The following ENTREP2 variants were observed in gnomAD, a reference collection of about 807,000 sequenced individuals.
ENTREP2 encodes the protein endosomal transmembrane epsin interactor 2.
At chr15:29,460,346 T>C in the ENTREP2 span, among the ~76,000 whole-genome samples, 1 of 152,278 alleles carries the variant, frequency 6.6e-6, no homozygotes, top group East Asian at 1.9e-4. Context: ...AATCATTATG[T>C]CTGCCTGGGT....
the ENTREP2 span, among the ~76,000 whole-genome samples, chr15:29,544,671 T>C: frequency 6.6e-6 from 1 of 152,042 alleles, no homozygotes; most frequent in Non-Finnish European, 1.5e-5. Context: ...CAAAGAGATC[T>C]TTTACTACAG....
chr15:29,215,881 G>T, the ENTREP2 span, among the ~76,000 whole-genome samples: 1 of 152,076 alleles, frequency 6.6e-6, no homozygotes, highest in South Asian at 2.1e-4. Flanking sequence ...GGCAGCAGTG[G>T]GTTGGTGAGT....
the ENTREP2 span, among the ~76,000 whole-genome samples, chr15:29,445,910 A>G: frequency 1.3e-5 from 2 of 152,208 alleles, no homozygotes; most frequent in Non-Finnish European, 2.9e-5. Flanking sequence ...GAACTGACTT[A>G]GAGGACACCC....
At chr15:29,570,800 G>C in the ENTREP2 span, 31 of 585,484 alleles carry the variant, frequency 5.3e-5, no homozygotes, top group Middle Eastern at 8.4e-4. Context: ...CAGAGGGTCC[G>C]AGGCAAGTTG....
At chr15:29,618,011 C>T in the ENTREP2 span, among the ~76,000 whole-genome samples, 55 of 152,348 alleles carry the variant, frequency 3.6e-4, 1 homozygote, top group African/African-American at 1.2e-3. Flanking sequence ...TTCCTCCACT[C>T]CCACCTCTGT....
the ENTREP2 span, chr15:29,268,649 T>C: frequency 1.4e-6 from 1 of 705,900 alleles, no homozygotes; most frequent in Non-Finnish European, 2.1e-6. Context: ...AAAACAAAAC[T>C]TTGCAAACAC....
At chr15:29,372,516 T>TC in the ENTREP2 span, among the ~76,000 whole-genome samples, 1 of 152,232 alleles carries the variant, frequency 6.6e-6, no homozygotes, top group African/African-American at 2.4e-5. Flanking sequence ...ACATGAGGGG[T>TC]CAGTGCCCCT....
chr15:29,644,996 T>G, the ENTREP2 span, among the ~76,000 whole-genome samples: 1 of 152,034 alleles, frequency 6.6e-6, no homozygotes, highest in Admixed American at 6.6e-5. Flanking sequence ...GCAAGAAGAT[T>G]GCTTGAGCCC....
the ENTREP2 span, chr15:29,265,898 C>T: frequency 6.6e-6 from 1 of 152,064 alleles, no homozygotes; most frequent in Non-Finnish European, 1.5e-5. Flanking sequence ...ACTTTGAACA[C>T]TTAGGGAAAA....
the ENTREP2 span, among the ~76,000 whole-genome samples, chr15:29,579,911 C>T: frequency 1.3e-4 from 19 of 151,938 alleles, no homozygotes; most frequent in African/African-American, 3.6e-4. Flanking sequence ...AGAGTTTCAC[C>T]GTGTTAGCCA....
the ENTREP2 span, among the ~76,000 whole-genome samples, chr15:29,352,899 C>T: frequency 6.6e-6 from 1 of 152,312 alleles, no homozygotes; most frequent in African/African-American, 2.4e-5. Flanking sequence ...CATCATTCGA[C>T]AGCTTTTCAG....
chr15:29,246,296 C>T, the ENTREP2 span, among the ~76,000 whole-genome samples: 2 of 148,294 alleles, frequency 1.3e-5, no homozygotes, highest in Admixed American at 6.9e-5. Context: ...GAGGCTGTGA[C>T]GGGAGGATCA....
the ENTREP2 span, among the ~76,000 whole-genome samples, chr15:29,173,705 G>A: frequency 6.6e-6 from 1 of 152,040 alleles, no homozygotes; most frequent in South Asian, 2.1e-4. Flanking sequence ...TATCATATTT[G>A]GTTTGATTTC....
At chr15:29,385,534 C>T in the ENTREP2 span, among the ~76,000 whole-genome samples, 232 of 152,284 alleles carry the variant, frequency 1.5e-3, 2 homozygotes, top group Non-Finnish European at 1.9e-3. Flanking sequence ...CCCCTGGTGA[C>T]CCCTGGCCTT....
the ENTREP2 span, among the ~76,000 whole-genome samples, chr15:29,626,285 G>A: frequency 5.9e-5 from 9 of 152,136 alleles, no homozygotes; most frequent in Non-Finnish European, 2.9e-5. Flanking sequence ...TAATAATCCC[G>A]ACATGTCAAA....
the ENTREP2 span, among the ~76,000 whole-genome samples, chr15:29,519,936 G>A: frequency 6.6e-6 from 1 of 152,274 alleles, no homozygotes; most frequent in African/African-American, 2.4e-5. Context: ...TGGACAATGA[G>A]TCTCAAAATC....
the ENTREP2 span, among the ~76,000 whole-genome samples, chr15:29,232,099 C>T: frequency 2.0e-5 from 3 of 151,882 alleles, no homozygotes; most frequent in Non-Finnish European, 4.4e-5. Context: ...CCATGTTGTC[C>T]AGGCTGGTCT....
chr15:29,293,729 G>T, the ENTREP2 span, among the ~76,000 whole-genome samples: 4 of 152,172 alleles, frequency 2.6e-5, no homozygotes, highest in African/African-American at 7.2e-5. Flanking sequence ...TCACACTCGG[G>T]GAAGCGTGGA....
chr15:29,411,016 C>T, the ENTREP2 span, among the ~76,000 whole-genome samples: 1 of 152,150 alleles, frequency 6.6e-6, no homozygotes, highest in South Asian at 2.1e-4. Context: ...GAATTCCTGA[C>T]CTGGTGATCC....
Sources: gnomAD v4.1 joint callset for allele counts (sites outside exome capture counted in the v4.1 genomes callset) on GRCh38, gnomAD v4.1.1 for gene constraint, MANE v1.5 for transcripts, NCBI Gene and HGNC (gene_info 2026-07-23, HGNC 2026-07-21) for gene names.